The following OSBPL10 variants were observed in gnomAD, a reference collection of about 807,000 sequenced individuals.
OSBPL10 encodes the protein oxysterol-binding protein-related protein 10.
OSBPL10 carries 49 observed loss-of-function variants against 81.7 expected under a neutral mutation model. That is an observed-to-expected ratio of 0.60 (90% confidence interval 0.48 to 0.76). The LOEUF (loss-of-function observed/expected upper bound fraction) is 0.76. OSBPL10 is among the 30% of genes least tolerant of loss of function. The pLI is 0.00. For missense variants in OSBPL10, 923 were observed against 987.8 expected (o/e 0.93, Z 0.88); for synonymous variants, 419 against 383.6 (o/e 1.09, Z -1.08).
At chr3:32,072,029 G>GC (rs1209897508) in intron 1 of OSBPL10, among the ~76,000 whole-genome samples, 1 of 151,964 alleles carries the variant, frequency 6.6e-6, no homozygotes, top group Non-Finnish European at 1.5e-5. Flanking sequence ...CTACCACTCT[G>GC]CCCCCCTCTA....
chr3:32,030,563 G>A lies in OSBPL10; in HGVS notation n.298+15928C>T, dbSNP rs540532443. 26 of 787,754 alleles carry A rather than the reference G, an allele frequency of 3.3e-5. No homozygotes were observed. In the East Asian group the frequency reaches 3.9e-4, roughly 12 times the overall value. 48.8% of individuals were successfully genotyped at this position (787,754 alleles called of 1,614,324 possible). On this transcript the variant is annotated intron_variant and non_coding_transcript_variant, in intron 2 of 3. Coordinates refer to the OSBPL10 transcript ENST00000479173. ...AAAAAGAAAGAAGCCAAAGACAAAC[G>A]TACCTGGGTTCAACTGAAGCGCCCG...
chr3:31,705,546 A>C (rs1303044267), intron 6 of OSBPL10, among the ~76,000 whole-genome samples: 4 of 152,216 alleles, frequency 2.6e-5, no homozygotes, highest in Admixed American at 2.6e-4. Flanking sequence ...GGGTTTGAAG[A>C]AGCAGGTCTT....
intron 3 of OSBPL10, among the ~76,000 whole-genome samples, chr3:31,875,728 T>C (rs1257555073): frequency 6.6e-6 from 1 of 152,152 alleles, no homozygotes; most frequent in African/African-American, 2.4e-5. Flanking sequence ...ACAGGATGCA[T>C]GGAATACAGA....
chr3:31,838,743 T>TATCA (rs145882358), intron 3 of OSBPL10, among the ~76,000 whole-genome samples: 3,215 of 152,178 alleles, frequency 0.021, 106 homozygotes, highest in African/African-American at 0.074. Context: ...TACTTTTTAA[T>TATCA]ATCAAAGGCC....
intron 6 of OSBPL10, among the ~76,000 whole-genome samples, chr3:31,731,029 C>A (rs1696957041): frequency 6.6e-6 from 1 of 152,140 alleles, no homozygotes; most frequent in Non-Finnish European, 1.5e-5. Context: ...GTTATTCCTC[C>A]ACAATGTACA....
chr3:31,880,653 T>C (rs1654345963), intron 1 of OSBPL10, among the ~76,000 whole-genome samples: 1 of 152,186 alleles, frequency 6.6e-6, no homozygotes. Context: ...TCTCACTTCA[T>C]CTTCCACTGA....
rs150418382 is a variant in OSBPL10, at chr3:31,750,138, C to T, written c.730-2018G>A. On this transcript the variant is annotated intron_variant, in intron 4 of 11. Transcript: ENST00000396556. ...CAAAAGTTGCAGTAAGCTGAGATCG[C>T]GCCACTGCACTCCAGCCTGGGCGAC... 9.0e-3 allele frequency among the ~76,000 whole-genome samples: 1,371 copies of T among 152,140 alleles called. 14 individuals are homozygous for T. The highest frequency in any genetic ancestry group is 0.012 in the Non-Finnish European group (846 of 67,996).
chr3:31,871,116 G>A lies in OSBPL10; in HGVS notation c.537+5317C>T, dbSNP rs1005372582. Among the ~76,000 whole-genome samples the A allele has an allele frequency of 2.8e-4, 43 of 151,624 alleles. 1 individual carries two copies. The highest frequency in any genetic ancestry group is 9.8e-4 in the African/African-American group (40 of 40,962). On this transcript the variant is annotated intron_variant, in intron 3 of 11. Coordinates refer to ENST00000396556, the MANE Select transcript of OSBPL10 (RefSeq NM_017784.5). ...CTGCCCAAACCAGCAGTGGCAACCC[G>A]TTCCCGTCCCCTTCTGCACTGTAGA...
chr3:32,066,281 A>T (rs1330653227), intron 1 of OSBPL10, among the ~76,000 whole-genome samples: 1 of 93,316 alleles, frequency 1.1e-5, no homozygotes, highest in African/African-American at 2.8e-5. Flanking sequence ...GCCTTCAGCA[A>T]TAATCCTTTC....
At chr3:31,879,975 T>C (rs539173368) in intron 1 of OSBPL10, 145 bp from the exon 2 acceptor site, 26 of 846,598 alleles carry the variant, frequency 3.1e-5, no homozygotes, top group Admixed American at 2.1e-4. Context: ...CAGATGCCCA[T>C]AGAAGTTAGC....
chr3:31,712,044 G>A (rs1696271960), intron 6 of OSBPL10, among the ~76,000 whole-genome samples: 1 of 152,032 alleles, frequency 6.6e-6, no homozygotes, highest in African/African-American at 2.4e-5. Flanking sequence ...AGAGAAGGAG[G>A]GGACAGTCCA....
At chr3:31,879,916 T>C in intron 1 of OSBPL10, 86 bp from the exon 2 acceptor site, 2 of 1,372,878 alleles carry the variant, frequency 1.5e-6, no homozygotes, top group Non-Finnish European at 2.0e-6. Flanking sequence ...GATCCAGAAG[T>C]CAACATCAAG....
At chr3:31,812,188 T>C (rs1699698931) in intron 4 of OSBPL10, among the ~76,000 whole-genome samples, 1 of 151,956 alleles carries the variant, frequency 6.6e-6, no homozygotes, top group African/African-American at 2.4e-5. Context: ...CCTGCCACCA[T>C]GCCCAGCTAA....
chr3:31,822,038 GTAGT>G (rs1006336582), intron 4 of OSBPL10: 6 of 152,226 alleles, frequency 3.9e-5, no homozygotes, highest in East Asian at 1.9e-4. Context: ...GTATGTGTGT[GTAGT>G]AAGTAAATAT....
At chr3:31,964,192 T>A (rs745459416) in intron 1 of OSBPL10, among the ~76,000 whole-genome samples, 2 of 152,114 alleles carry the variant, frequency 1.3e-5, no homozygotes, top group South Asian at 2.1e-4. Context: ...GGTCTCACAC[T>A]GTCACCTAGG....
At chr3:31,964,300 G>T (rs567189284) in intron 1 of OSBPL10, among the ~76,000 whole-genome samples, 1 of 152,126 alleles carries the variant, frequency 6.6e-6, no homozygotes, top group South Asian at 2.1e-4. Context: ...GGGACTACAG[G>T]TGTGCACCAC....
At chr3:31,914,152 C>T (rs1411552870) in intron 1 of OSBPL10, among the ~76,000 whole-genome samples, 1 of 152,124 alleles carries the variant, frequency 6.6e-6, no homozygotes, top group Non-Finnish European at 1.5e-5. Context: ...AACTCCTGAC[C>T]TCAAGTGATC....
intron 1 of OSBPL10, among the ~76,000 whole-genome samples, chr3:31,900,165 A>C (rs1375197082): frequency 6.6e-6 from 1 of 151,698 alleles, no homozygotes; most frequent in Non-Finnish European, 1.5e-5. Context: ...CTGGGACTAC[A>C]GGCACACGCC....
chr3:32,053,529 G>T (rs1321192719), intron 1 of OSBPL10, among the ~76,000 whole-genome samples: 1 of 152,118 alleles, frequency 6.6e-6, no homozygotes, highest in Non-Finnish European at 1.5e-5. Context: ...GTTATCAAAG[G>T]TTTATGAGGC....
Sources: allele counts gnomAD v4.1 joint callset (sites outside exome capture counted in the v4.1 genomes callset), GRCh38; gene constraint gnomAD v4.1.1; transcripts MANE v1.5; gene names NCBI Gene and HGNC (gene_info 2026-07-23, HGNC 2026-07-21).